Variants in TRRAP observed in about 807,000 individuals in gnomAD.
TRRAP encodes the protein transformation/transcription domain associated protein.
A neutral mutation model predicts 438.8 loss-of-function variants in TRRAP; 41 were observed. The ratio of observed to expected loss-of-function variants is 0.09; its 90% confidence interval spans 0.07 to 0.12. The LOEUF (loss-of-function observed/expected upper bound fraction) is 0.12, where lower values mean the gene tolerates loss of function less well. TRRAP is among the 10% of genes least tolerant of loss of function. The probability of loss-of-function intolerance (pLI) is 1.00; values close to 1 mark genes in which losing one functional copy is unlikely to be tolerated. For missense variants in TRRAP, 3,122 were observed against 5,055.1 expected (o/e 0.62, Z 11.60); for synonymous variants, 1,994 against 1,962.9 (o/e 1.02, Z -0.42).
intron 6 of TRRAP, 22 bp from the exon 7 acceptor site, chr7:98,895,742 C>T (rs1554405630): frequency 6.3e-6 from 10 of 1,584,578 alleles, no homozygotes; most frequent in Admixed American, 1.8e-5. Context: ...CTTCCTATAA[C>T]GAAAGTGTCT....
At position 99,011,267 on chromosome 7, in the gene TRRAP, T is replaced by G; in HGVS notation, c.11142+12T>G. On this transcript the variant is annotated intron_variant, in intron 71 of 72. Coordinates refer to ENST00000456197, the MANE Select transcript of TRRAP (RefSeq NM_001375524.1). This position sits in a 1 kb window ranked among gnomAD's most constrained non-coding sequence, Gnocchi z 7.1. ...TACAGATCGCTCAGGTAACCTGCTT[T>G]GAACAGCCAGATCCTCTCCTCGTGA... 1 of 1,614,028 alleles carries G rather than the reference T, an allele frequency of 6.2e-7. No homozygotes were observed. The highest frequency in any genetic ancestry group is 8.5e-7 in the Non-Finnish European group (1 of 1,179,858).
chr7:98,921,622 C>T (rs1224129165), intron 20 of TRRAP, 131 bp from the exon 21 acceptor site: 20 of 1,204,634 alleles, frequency 1.7e-5, no homozygotes, highest in Admixed American at 4.1e-5. Flanking sequence ...GTGATCTACC[C>T]GCCTTAGCCT....
At chr7:99,001,655 T>C (rs545142754) in intron 67 of TRRAP, among the ~76,000 whole-genome samples, 12 of 152,312 alleles carry the variant, frequency 7.9e-5, no homozygotes, top group Non-Finnish European at 1.2e-4. Flanking sequence ...CCTTCCGCTC[T>C]CCTGTACACA....
Position 98,990,404 on chromosome 7 carries a change from T to G in TRRAP, c.9592-51T>G, listed in dbSNP as rs765099265. 4 of 1,594,410 alleles carry G rather than the reference T, an allele frequency of 2.5e-6. No individual in the cohort carries two copies. The South Asian group carries it at 4.4e-5, about 18-fold the overall frequency. On this transcript the variant is annotated intron_variant, in intron 63 of 72. Transcript: ENST00000456197. ...AATGTTGGGGAAAAAGTCTCTTGCT[T>G]GAGGGCTTCAGAATTGTCATTCTAC...
At chr7:98,903,999 G>A (rs933772799) in intron 12 of TRRAP, among the ~76,000 whole-genome samples, 2 of 151,998 alleles carry the variant, frequency 1.3e-5, no homozygotes, top group Non-Finnish European at 2.9e-5. Context: ...TAGTAGAGAT[G>A]GGATTTCACC....
intron 59 of TRRAP, 53 bp from the exon 60 acceptor site, chr7:98,983,211 C>A: frequency 1.3e-6 from 2 of 1,489,760 alleles, no homozygotes; most frequent in South Asian, 1.3e-5. Context: ...GTGTTTTTCC[C>A]GTTTGATCTT....
At chr7:98,951,842 G>A (rs1003955888) in intron 39 of TRRAP, among the ~76,000 whole-genome samples, 3 of 152,164 alleles carry the variant, frequency 2.0e-5, no homozygotes, top group East Asian at 1.9e-4. Flanking sequence ...CTTGGTCCCC[G>A]TACTGATATT....
At position 98,946,128 on chromosome 7, in the gene TRRAP, G is replaced by A. The variant is rs567830123; in HGVS notation, c.4548+178G>A. Among the ~76,000 whole-genome samples, 190 of 152,294 alleles carry A rather than the reference G, an allele frequency of 1.2e-3. 1 individual carries two copies. The highest frequency in any genetic ancestry group is 4.5e-3 in the African/African-American group (186 of 41,552). Reference sequence around the variant, plus strand: ...GTATCATTGCTGTGAACTGTCTGATGCCAAGCATGTTTTCTATTAGGATGT... The same window carrying A: ...GTATCATTGCTGTGAACTGTCTGATACCAAGCATGTTTTCTATTAGGATGT... On this transcript the variant is annotated intron_variant, in intron 33 of 72. Transcript: ENST00000456197.
chr7:98,955,939 G>T (rs782038251), intron 41 of TRRAP, among the ~76,000 whole-genome samples: 27 of 152,150 alleles, frequency 1.8e-4, no homozygotes, highest in Non-Finnish European at 4.0e-4. Flanking sequence ...TAGTTGGGGT[G>T]GGGGAGGGTG....
chr7:98,966,851 G>A (rs1792181324), intron 49 of TRRAP, among the ~76,000 whole-genome samples, 190 bp from the exon 50 acceptor site: 1 of 152,210 alleles, frequency 6.6e-6, no homozygotes, highest in South Asian at 2.1e-4. Flanking sequence ...TCTCTAAAAT[G>A]AGTTGTAGCC....
intron 20 of TRRAP, among the ~76,000 whole-genome samples, chr7:98,918,694 C>T (rs1221511491): frequency 2.6e-5 from 4 of 152,068 alleles, no homozygotes; most frequent in Non-Finnish European, 5.9e-5. Flanking sequence ...CTCCACCCTA[C>T]CCAAAGGGAA....
Position 98,948,472 on chromosome 7 carries a change from A to G in TRRAP, c.4669-94A>G. On this transcript the variant is annotated intron_variant, in intron 34 of 72. Transcript: ENST00000456197. This position sits in a 1 kb window ranked among gnomAD's most constrained non-coding sequence, Gnocchi z 4.9. ...TGTCAACATTTGCTTGTGGGTGTTC[A>G]TGCACTCCAGTAACAAGGGACCTTG... The G allele has an allele frequency of 3.7e-6, 6 of 1,611,458 alleles. No individual in the cohort carries two copies. The highest frequency in any genetic ancestry group is 1.1e-5 in the South Asian group (1 of 90,922).
At chr7:98,920,728 C>T (rs1181359036) in intron 20 of TRRAP, among the ~76,000 whole-genome samples, 1 of 152,174 alleles carries the variant, frequency 6.6e-6, no homozygotes, top group Admixed American at 6.5e-5. Flanking sequence ...CAATTTATGT[C>T]ATGTTTGTAA....
intron 67 of TRRAP, among the ~76,000 whole-genome samples, chr7:99,002,130 T>TGGGGGGGGGGGGGGGGGGGGGGGGGGGG (rs1562980307): frequency 8.0e-5 from 3 of 37,360 alleles, no homozygotes; most frequent in Admixed American, 2.9e-4. Context: ...GGCGGGGGGG[T>TGGGGGGGGGGGGGGGGGGGGGGGGGGGG]GGGGTGGTGG....
chr7:98,897,102 G>A (rs893361215), intron 7 of TRRAP, among the ~76,000 whole-genome samples: 13 of 152,138 alleles, frequency 8.5e-5, no homozygotes, highest in Non-Finnish European at 1.8e-4. Flanking sequence ...AAGCATGGTG[G>A]TGCGCGCTAG....
rs1791167134 is a variant in TRRAP, at chr7:98,948,042, T to G, written c.4549-179T>G. Among the ~76,000 whole-genome samples the G allele has an allele frequency of 6.6e-6, 1 of 152,206 alleles. No individual in the cohort carries two copies. The highest frequency in any genetic ancestry group is 2.4e-5 in the African/African-American group (1 of 41,450). Reference sequence around the variant, plus strand: ...GAAGGCCACGGGCAGTCAGTTTCCTTAGGACACAGCACAGTTAGAACCTAA... The same window carrying G: ...GAAGGCCACGGGCAGTCAGTTTCCTGAGGACACAGCACAGTTAGAACCTAA... On this transcript the variant is annotated intron_variant, in intron 33 of 72. Coordinates refer to ENST00000456197, the MANE Select transcript of TRRAP (RefSeq NM_001375524.1). This position sits in a 1 kb window ranked among gnomAD's most constrained non-coding sequence, Gnocchi z 4.9.
chr7:98,937,501 C>A, intron 29 of TRRAP, 149 bp from the exon 30 acceptor site: 2 of 1,088,682 alleles, frequency 1.8e-6, no homozygotes, highest in South Asian at 3.9e-5. Flanking sequence ...TCCATCATTT[C>A]GTCATAAATT....
At chr7:98,909,025 T>TC (rs1554408087) in intron 14 of TRRAP, 63 bp downstream of exon 14, 8 of 1,415,826 alleles carry the variant, frequency 5.7e-6, no homozygotes, top group Non-Finnish European at 7.6e-6. Context: ...CTAAATTTTT[T>TC]TTTTTTTTTT....
chr7:98,910,673 G>C, intron 16 of TRRAP, 66 bp downstream of exon 16: 2 of 1,353,560 alleles, frequency 1.5e-6, no homozygotes, highest in Non-Finnish European at 2.0e-6. Context: ...AGAGGTCATA[G>C]TGGTGGGGTG....
Sources: gnomAD v4.1 joint callset for allele counts (sites outside exome capture counted in the v4.1 genomes callset) on GRCh38, gnomAD v4.1.1 for gene constraint, Gnocchi (gnomAD v3.1) non-coding constraint, MANE v1.5 for transcripts, NCBI Gene and HGNC (gene_info 2026-07-23, HGNC 2026-07-21) for gene names.